ZNF184: variants seen among roughly 807,000 people sequenced by gnomAD.
ZNF184 encodes the protein zinc finger protein 184 (Kruppel-like).
ZNF184 carries 16 observed loss-of-function variants against 54.4 expected under a neutral mutation model. The observed-to-expected ratio is 0.29, with a 90% confidence interval of 0.20 to 0.45. The LOEUF (loss-of-function observed/expected upper bound fraction) is 0.45. Ranked by LOEUF, ZNF184 falls within the 20% of genes least tolerant of loss-of-function variation. The pLI is 1.00. For missense variants in ZNF184, 681 were observed against 888.2 expected, an observed-to-expected ratio of 0.77 and a Z score of 2.97; for synonymous variants, 254 against 295.3, an observed-to-expected ratio of 0.86 and a Z score of 1.43.
chr6:27,472,175 C>T lies in ZNF184; in HGVS notation c.7+113G>A. On this transcript the variant is annotated intron_variant, in intron 2 of 5. Transcript: ENST00000683788. This position sits in a 1 kb window ranked among gnomAD's most constrained non-coding sequence, Gnocchi z 4.8. Reference sequence around the variant, plus strand: ...TTCGGTTTCTTTGCTAATCCCTAAGCATACCGTTCCTTCCTTCCAAATCTC... The same window carrying T: ...TTCGGTTTCTTTGCTAATCCCTAAGTATACCGTTCCTTCCTTCCAAATCTC... The T allele has an allele frequency of 1.4e-6, 2 of 1,422,656 alleles. No homozygotes were observed. The highest frequency in any genetic ancestry group is 2.5e-5 in the South Asian group (2 of 79,910). 88.1% of individuals were successfully genotyped at this position (1,422,656 alleles called of 1,614,324 possible).
chr6:27,467,080 A>G (rs1763156864), intron 3 of ZNF184, among the ~76,000 whole-genome samples: 1 of 152,066 alleles, frequency 6.6e-6, no homozygotes, highest in Non-Finnish European at 1.5e-5. Flanking sequence ...AATCTTCTCT[A>G]TACCTAGAAT....
the ZNF184 span, among the ~76,000 whole-genome samples, chr6:27,425,893 C>T: frequency 4.6e-5 from 7 of 152,222 alleles, no homozygotes; most frequent in Admixed American, 4.6e-4. Context: ...TCACTCTCTT[C>T]AGATACTGCT....
At chr6:27,412,624 T>G in the ZNF184 span, among the ~76,000 whole-genome samples, 3 of 152,162 alleles carry the variant, frequency 2.0e-5, no homozygotes, top group Non-Finnish European at 4.4e-5. Flanking sequence ...CAAATATGAG[T>G]GACCATGGCC....
chr6:27,442,854 G>GAA, the ZNF184 span, among the ~76,000 whole-genome samples: 3 of 68,768 alleles, frequency 4.4e-5, no homozygotes, highest in Admixed American at 3.2e-4. Flanking sequence ...AAGAAAGAAA[G>GAA]AAAGAAAGAA....
chr6:27,427,288 T>C, the ZNF184 span, among the ~76,000 whole-genome samples: 1 of 152,200 alleles, frequency 6.6e-6, no homozygotes, highest in African/African-American at 2.4e-5. Flanking sequence ...TACTTTATGA[T>C]TTTTGAACCA....
chr6:27,472,308 C>T lies in ZNF184; in HGVS notation c.-14G>A. The stretch of plus-strand genomic sequence containing the variant: ...ACTACCTTCCATCTCAGGAGCTCAT[C>T]CCGTTCCTCTGGAACTTGAACACCA... On this transcript the variant is annotated 5_prime_UTR_variant, in exon 2 of 6. Coordinates refer to ENST00000683788, the MANE Select transcript of ZNF184 (RefSeq NM_001318891.2). The surrounding 1 kb of genome is among the most constrained non-coding windows in gnomAD (Gnocchi z 4.8). 1.2e-6 allele frequency: 2 copies of T among 1,614,114 alleles called. No homozygotes were observed. Among genetic ancestry groups the T allele is most frequent in the Non-Finnish European group, 1.7e-6 (2 of 1,179,984 alleles).
At chr6:27,443,481 G>T in the ZNF184 span, among the ~76,000 whole-genome samples, 2 of 152,184 alleles carry the variant, frequency 1.3e-5, no homozygotes, top group Non-Finnish European at 2.9e-5. Flanking sequence ...CGATATGTAT[G>T]TAATCAATCC....
chr6:27,408,984 A>G, the ZNF184 span, among the ~76,000 whole-genome samples: 262 of 152,350 alleles, frequency 1.7e-3, 1 homozygote, highest in African/African-American at 5.8e-3. Flanking sequence ...GCCTGAATAC[A>G]TGGATTCTTT....
the ZNF184 span, among the ~76,000 whole-genome samples, chr6:27,436,320 C>A: frequency 1.4e-4 from 22 of 152,078 alleles, no homozygotes; most frequent in Non-Finnish European, 3.1e-4. Flanking sequence ...CACGCCACCA[C>A]CCCCACCTAA....
At position 27,462,858 on chromosome 6, in the gene ZNF184, C is replaced by T. The variant is rs879940182; in HGVS notation, c.75+4995G>A. On this transcript the variant is annotated intron_variant, in intron 3 of 5. Coordinates refer to ENST00000683788, the MANE Select transcript of ZNF184 (RefSeq NM_001318891.2). ...CCAGCCTGGGCGACAGAGTGAGACTCTGTCTCAAAAAAAAAAAAAAATTAT... is the reference window on the plus strand; with the variant it reads ...CCAGCCTGGGCGACAGAGTGAGACTTTGTCTCAAAAAAAAAAAAAAATTAT... Among the ~76,000 whole-genome samples the T allele has an allele frequency of 2.3e-3, 335 of 145,986 alleles. 1 individual carries two copies. Among genetic ancestry groups the T allele is most frequent in the African/African-American group, 5.7e-3 (226 of 39,508 alleles).
At chr6:27,409,237 T>C in the ZNF184 span, among the ~76,000 whole-genome samples, 1 of 152,134 alleles carries the variant, frequency 6.6e-6, no homozygotes, top group Non-Finnish European at 1.5e-5. Context: ...AGGTGGCTCA[T>C]GCCTGTAATC....
intron 3 of ZNF184, among the ~76,000 whole-genome samples, chr6:27,462,026 G>C (rs1763007819): frequency 6.6e-6 from 1 of 152,114 alleles, no homozygotes. Flanking sequence ...AGCCAAAATG[G>C]AAAACTTCAT....
chr6:27,409,889 T>C, the ZNF184 span, among the ~76,000 whole-genome samples: 83,945 of 151,982 alleles, frequency 0.55, 24,157 homozygotes, highest in Middle Eastern at 0.73. Context: ...ATAAGCTCTA[T>C]TCACAGGAAG....
the ZNF184 span, among the ~76,000 whole-genome samples, chr6:27,408,322 A>G: frequency 6.6e-6 from 1 of 152,326 alleles, no homozygotes; most frequent in Non-Finnish European, 1.5e-5. Flanking sequence ...CTTAATTTTA[A>G]TTCATGTTAC....
intron 5 of ZNF184, among the ~76,000 whole-genome samples, chr6:27,456,323 G>A (rs979111348): frequency 3.3e-5 from 5 of 151,986 alleles, no homozygotes; most frequent in African/African-American, 4.8e-5. Flanking sequence ...ATAAAGAAAC[G>A]AAGCCTGCAG....
chr6:27,408,092 G>A, the ZNF184 span: 2 of 748,076 alleles, frequency 2.7e-6, no homozygotes, highest in South Asian at 2.9e-5. Context: ...TCTAACTACT[G>A]CTGCAGCATT....
intron 3 of ZNF184, among the ~76,000 whole-genome samples, chr6:27,457,941 G>A (rs1470425015): frequency 6.6e-6 from 1 of 152,052 alleles, no homozygotes; most frequent in East Asian, 1.9e-4. Flanking sequence ...GCATTAAGCA[G>A]CTTTCAAATT....
chr6:27,445,630 C>A, the ZNF184 span, among the ~76,000 whole-genome samples: 2 of 148,714 alleles, frequency 1.3e-5, no homozygotes, highest in Non-Finnish European at 3.0e-5. Context: ...TTTGTTGGTG[C>A]CATGCATTTT....
chr6:27,420,548 G>A, the ZNF184 span, among the ~76,000 whole-genome samples: 174 of 152,200 alleles, frequency 1.1e-3, no homozygotes, highest in Non-Finnish European at 5.7e-4. Context: ...AGAATGTCCC[G>A]CCACACCATA....
Sources: gnomAD v4.1 joint callset for allele counts (sites outside exome capture counted in the v4.1 genomes callset) on GRCh38, gnomAD v4.1.1 for gene constraint, Gnocchi (gnomAD v3.1) non-coding constraint, MANE v1.5 for transcripts, NCBI Gene and HGNC (gene_info 2026-07-23, HGNC 2026-07-21) for gene names.